RBFOX1: variants seen among roughly 807,000 people sequenced by gnomAD.
RBFOX1 encodes RNA binding fox-1 homolog 1.
RBFOX1 carries 8 observed loss-of-function variants against 57.7 expected under a neutral mutation model. The ratio of observed to expected loss-of-function variants is 0.14; its 90% CI spans 0.08 to 0.25. RBFOX1 has a LOEUF of 0.25. Among genes scored for constraint, RBFOX1 ranks in the 10% least tolerant of loss-of-function variants. The pLI, the probability that RBFOX1 is intolerant of heterozygous loss-of-function variation, is 1.00. For synonymous variants in RBFOX1, 326 were observed against 222.4 expected (o/e 1.47, Z -4.15); for missense variants, 611 against 548.5 (o/e 1.11, Z -1.14).
intron 4 of RBFOX1, among the ~76,000 whole-genome samples, chr16:7,199,569 C>T (rs533792604): frequency 2.0e-5 from 3 of 152,230 alleles, no homozygotes; most frequent in East Asian, 1.9e-4. Context: ...ACAGAATCAG[C>T]CAATAATCTG....
chr16:5,417,616 C>G (rs1323484174), intron 1 of RBFOX1, among the ~76,000 whole-genome samples: 2 of 152,190 alleles, frequency 1.3e-5, no homozygotes, highest in Non-Finnish European at 2.9e-5. Context: ...GGGCTGGTAT[C>G]AATGGGATAC....
intron 3 of RBFOX1, among the ~76,000 whole-genome samples, chr16:7,033,397 G>C (rs186011911): frequency 3.9e-5 from 6 of 152,326 alleles, no homozygotes; most frequent in Non-Finnish European, 5.9e-5. Flanking sequence ...GCACATGCCT[G>C]TAATCCCAGC....
intron 4 of RBFOX1, among the ~76,000 whole-genome samples, chr16:5,983,437 G>C (rs1371341897): frequency 2.0e-5 from 3 of 152,202 alleles, no homozygotes; most frequent in Non-Finnish European, 4.4e-5. Flanking sequence ...GTGAAGGAAA[G>C]GAGATAAGGG....
chr16:7,611,913 A>G lies in RBFOX1; in HGVS notation c.676+4575A>G, dbSNP rs771760818. On this transcript the variant is annotated intron_variant, in intron 10 of 15. Transcript: ENST00000550418. The stretch of plus-strand genomic sequence containing the variant: ...CACATACATCAGCACATCCCATGAC[A>G]TATATTAATATAAACCTTCTCCCAG... Among the ~76,000 whole-genome samples, 164 of 152,200 alleles carry G rather than the reference A, an allele frequency of 1.1e-3. 2 individuals are homozygous for G. The highest frequency in any genetic ancestry group is 4.6e-4 in the Non-Finnish European group (31 of 68,046).
intron 3 of RBFOX1, among the ~76,000 whole-genome samples, chr16:6,813,391 C>G (rs1331751388): frequency 6.6e-6 from 1 of 152,082 alleles, no homozygotes; most frequent in Non-Finnish European, 1.5e-5. Flanking sequence ...CTTGAGAATG[C>G]TCGTATGGGT....
intron 1 of RBFOX1, among the ~76,000 whole-genome samples, chr16:6,151,245 T>A (rs2096795447): frequency 6.6e-6 from 1 of 152,162 alleles, no homozygotes; most frequent in African/African-American, 2.4e-5. Context: ...CGCGACACCA[T>A]TTGTTTTCAG....
intron 2 of RBFOX1, among the ~76,000 whole-genome samples, chr16:5,586,542 G>A (rs1596350290): frequency 6.6e-6 from 1 of 152,170 alleles, no homozygotes; most frequent in East Asian, 1.9e-4. Flanking sequence ...CTGTCTCCCA[G>A]GCTGGAGTAC....
chr16:7,507,764 C>T (rs953280578), intron 4 of RBFOX1, among the ~76,000 whole-genome samples: 5 of 151,882 alleles, frequency 3.3e-5, no homozygotes. Context: ...GCGGTTTCAC[C>T]GTGTTAGCCA....
chr16:7,413,768 T>C (rs1424297896), intron 4 of RBFOX1, among the ~76,000 whole-genome samples: 1 of 151,940 alleles, frequency 6.6e-6, no homozygotes, highest in African/African-American at 2.4e-5. Context: ...ATGACAAGAG[T>C]ATTTTCCTTG....
At chr16:5,945,855 C>G (rs1169215915) in intron 4 of RBFOX1, among the ~76,000 whole-genome samples, 3 of 152,150 alleles carry the variant, frequency 2.0e-5, no homozygotes, top group Admixed American at 6.5e-5. Context: ...GAAGTCTACT[C>G]CATCCATCAG....
rs373502855 is a variant in RBFOX1 at position 6,570,931 on chromosome 16, T to C, written c.-63-83672T>C. On this transcript the variant is annotated intron_variant, in intron 2 of 15. Transcript: ENST00000550418. ...TGCAGGGCCTTTGATTGAATAACGG[T>C]TATATTGCTCATTAATCAGAGGCTC... 4.7e-4 allele frequency among the ~76,000 whole-genome samples: 71 copies of C among 152,284 alleles called. No homozygotes were observed. In the East Asian group the frequency reaches 7.3e-3, roughly 16 times the overall value.
chr16:6,248,885 C>G (rs1222750970), intron 1 of RBFOX1, among the ~76,000 whole-genome samples: 2 of 152,138 alleles, frequency 1.3e-5, no homozygotes, highest in Non-Finnish European at 2.9e-5. Flanking sequence ...GCACCTGGCA[C>G]ACGGGGAGTG....
chr16:7,467,665 A>C (rs11077183), intron 4 of RBFOX1, among the ~76,000 whole-genome samples: 43,279 of 152,152 alleles, frequency 0.28, 7,709 homozygotes, highest in Non-Finnish European at 0.41. Context: ...CTGAGGATTA[A>C]ATAAGATTGT....
At chr16:6,256,247 GTATATATATGTGTATATATA>G (rs2097665245) in intron 1 of RBFOX1, among the ~76,000 whole-genome samples, 1 of 78,344 alleles carries the variant, frequency 1.3e-5, no homozygotes, top group African/African-American at 5.8e-5. Flanking sequence ...ATATATATAT[GTATATATATGTGTATATATA>G]TATGTATATA....
At position 7,341,693 on chromosome 16, in the gene RBFOX1, A is replaced by ACCTTCCTT. The variant is rs777842492; in HGVS notation, c.28-176435_28-176428dup. On this transcript the variant is annotated intron_variant, in intron 4 of 15. Transcript: ENST00000550418. ...CTACATTTCAGAGAACAATGGTCCTACCTTCCTTCCTTCCTTCCTTCCTTC... is the reference window on the plus strand; with the variant it reads ...CTACATTTCAGAGAACAATGGTCCTACCTTCCTTCCTTCCTTCCTTCCTTCCTTCCTTC... Among the ~76,000 whole-genome samples the ACCTTCCTT allele has an allele frequency of 1.7e-4, 25 of 144,702 alleles. No individual in the cohort carries two copies. The East Asian group carries it at 3.0e-3, about 17-fold the overall frequency. The allele number at this position is 144,702 out of a possible 152,430, so 94.9% of individuals were successfully genotyped here. A position where few individuals can be genotyped will look rare whatever the true frequency, so the allele number is the denominator to read the frequency against.
intron 3 of RBFOX1, among the ~76,000 whole-genome samples, chr16:6,698,657 C>A (rs1195092608): frequency 6.6e-6 from 1 of 152,160 alleles, no homozygotes; most frequent in Non-Finnish European, 1.5e-5. Flanking sequence ...GGGACCACCC[C>A]TTTTAGGTTA....
chr16:7,598,843 C>T (rs944012322), intron 9 of RBFOX1, among the ~76,000 whole-genome samples: 21 of 152,088 alleles, frequency 1.4e-4, no homozygotes, highest in Admixed American at 2.0e-4. Context: ...TAAATAGGTT[C>T]AGTCAGAACT....
At chr16:6,321,841 A>C (rs1159494130) in intron 2 of RBFOX1, among the ~76,000 whole-genome samples, 1 of 152,198 alleles carries the variant, frequency 6.6e-6, no homozygotes, top group Non-Finnish European at 1.5e-5. Flanking sequence ...TCGTCTTCAA[A>C]GCTTTCACTT....
chr16:6,278,656 C>T (rs1043357932), intron 1 of RBFOX1, among the ~76,000 whole-genome samples: 54 of 151,932 alleles, frequency 3.6e-4, no homozygotes, highest in African/African-American at 1.3e-3. Context: ...AAAAAAAAGT[C>T]ATACTGTGTA....
Sources: allele counts gnomAD v4.1 joint callset (sites outside exome capture counted in the v4.1 genomes callset), GRCh38; gene constraint gnomAD v4.1.1; transcripts MANE v1.5; gene names NCBI Gene and HGNC (gene_info 2026-07-23, HGNC 2026-07-21).